Variants in ASH1L observed in about 807,000 individuals in gnomAD.
ASH1L encodes the protein ASH1 like histone lysine methyltransferase.
ASH1L carries 23 observed loss-of-function variants against 269.0 expected under a neutral mutation model. The observed-to-expected ratio is 0.09, with a 90% confidence interval of 0.06 to 0.12. The LOEUF (loss-of-function observed/expected upper bound fraction) is 0.12. ASH1L is among the 10% of genes least tolerant of loss of function. The probability of loss-of-function intolerance (pLI) is 1.00; values close to 1 mark genes in which losing one functional copy is unlikely to be tolerated. For missense variants in ASH1L, 2,912 were observed against 3,567.8 expected, an observed-to-expected ratio of 0.82 and a Z score of 4.68; for synonymous variants, 1,187 against 1,253.5, an observed-to-expected ratio of 0.95 and a Z score of 1.12.
At chr1:155,500,013 T>C (rs948675221) in intron 2 of ASH1L, among the ~76,000 whole-genome samples, 3 of 152,248 alleles carry the variant, frequency 2.0e-5, no homozygotes, top group African/African-American at 4.8e-5. Context: ...TCCTACTACA[T>C]AATGAAAGCA....
Position 155,418,310 on chromosome 1 carries a change from G to C in ASH1L, c.5829-2387C>G, listed in dbSNP as rs142028817. Among the ~76,000 whole-genome samples, 503 of 152,122 alleles carry C rather than the reference G, an allele frequency of 3.3e-3. 3 individuals carry two copies. Among genetic ancestry groups the C allele is most frequent in the African/African-American group, 0.012 (486 of 41,526 alleles). ...AAAGATAATGAGGAGAGGAAGAGAA[G>C]ACTTAACAACAACAACAAAAGGAAT... On this transcript the variant is annotated intron_variant, in intron 5 of 27. Transcript: ENST00000392403.
chr1:155,473,329 G>C (rs911104788), intron 3 of ASH1L, among the ~76,000 whole-genome samples: 3 of 152,090 alleles, frequency 2.0e-5, no homozygotes, highest in Non-Finnish European at 4.4e-5. Flanking sequence ...AAACAAACAG[G>C]TACAATACAC....
At chr1:155,374,891 C>T (rs1656295682) in intron 10 of ASH1L, among the ~76,000 whole-genome samples, 1 of 152,148 alleles carries the variant, frequency 6.6e-6, no homozygotes, top group African/African-American at 2.4e-5. Context: ...TCACAGCTTA[C>T]TGTAGCCTCA....
chr1:155,444,660 G>C (rs1031436069), intron 4 of ASH1L, among the ~76,000 whole-genome samples: 8 of 151,912 alleles, frequency 5.3e-5, no homozygotes, highest in Admixed American at 5.2e-4. Flanking sequence ...TTATCACCCA[G>C]GCCGGAGTAC....
chr1:155,336,360 T>TACACAC lies in ASH1L; in HGVS notation c.*1294_*1299dup, dbSNP rs148726843. ...GTGTGTGTGTGTGTGTGTATATATA[T>TACACAC]ACACACACACATATATATATACACA... is the stretch of plus-strand genomic sequence containing the variant. On this transcript the variant is annotated 3_prime_UTR_variant, in exon 28 of 28. Transcript: ENST00000392403. 307 of 149,822 alleles carry TACACAC rather than the reference T, an allele frequency of 2.0e-3. 5 individuals are homozygous for TACACAC. The East Asian group carries it at 0.038, about 19-fold the overall frequency. 9.3% of individuals were successfully genotyped at this position (149,822 alleles called of 1,614,324 possible). A position where few individuals can be genotyped will look rare whatever the true frequency, so the allele number is the denominator to read the frequency against.
chr1:155,441,196 T>C (rs1662529069), intron 4 of ASH1L, among the ~76,000 whole-genome samples: 1 of 152,160 alleles, frequency 6.6e-6, no homozygotes, highest in Non-Finnish European at 1.5e-5. Context: ...CTAGTCCCTC[T>C]CTGCTGCCAC....
At chr1:155,533,752 C>T (rs1470535820) in intron 1 of ASH1L, among the ~76,000 whole-genome samples, 1 of 151,480 alleles carries the variant, frequency 6.6e-6, no homozygotes, top group Non-Finnish European at 1.5e-5. Context: ...CATCTTTAGT[C>T]TCGATCTTAT....
At chr1:155,450,126 A>T (rs1015548241) in intron 4 of ASH1L, among the ~76,000 whole-genome samples, 1 of 152,174 alleles carries the variant, frequency 6.6e-6, no homozygotes, top group Non-Finnish European at 1.5e-5. Flanking sequence ...AATTTCTGAC[A>T]ATATGTCTGC....
chr1:155,417,890 G>A (rs917373485), intron 5 of ASH1L, among the ~76,000 whole-genome samples: 6 of 151,918 alleles, frequency 3.9e-5, no homozygotes, highest in Admixed American at 1.3e-4. Flanking sequence ...CCTGGGAGGC[G>A]GAGGTTGTGG....
intron 2 of ASH1L, among the ~76,000 whole-genome samples, chr1:155,495,493 A>G (rs949017299): frequency 1.3e-5 from 2 of 152,180 alleles, no homozygotes; most frequent in African/African-American, 4.8e-5. Context: ...TATGGTATAA[A>G]AGATAAAAAT....
intron 4 of ASH1L, among the ~76,000 whole-genome samples, chr1:155,458,829 T>A (rs1394339040): frequency 6.6e-6 from 1 of 152,120 alleles, no homozygotes; most frequent in African/African-American, 2.4e-5. Flanking sequence ...AATATATTCC[T>A]CACTATCTGG....
In ASH1L at chr1:155,368,349, C is replaced by T. The variant is rs188219427; in HGVS notation, c.6686+2155G>A. Among the ~76,000 whole-genome samples, 450 of 152,156 alleles carry T rather than the reference C, an allele frequency of 3.0e-3. 3 individuals are homozygous for T. The highest frequency in any genetic ancestry group is 5.2e-3 in the Non-Finnish European group (353 of 68,016). On this transcript the variant is annotated intron_variant, in intron 12 of 27. Transcript: ENST00000392403. ...TTATCAGTGAAGACATCTGGTTCTC[C>T]AGGTTCTTTTGTTAGATATTTTAGT... is the stretch of plus-strand genomic sequence containing the variant.
At position 155,478,915 on chromosome 1, in the gene ASH1L, T is replaced by C. The variant is rs760749906; in HGVS notation, c.3955A>G (p.Ile1319Val). ...HFIPRDLLPT[I>V]FRINFNSFYT... The stretch of plus-strand genomic sequence containing the variant: ...AAACTATTAAAGTTGATTCGAAAGA[T>C]AGTTGGCAGAAGATCTCGGGGGATA... The change falls in exon 3 of 28, where the codon ATC becomes GTC. Residue 1319 changes from isoleucine to valine, a missense_variant. This residue lies in a region of ASH1L where 789 missense variants were observed against 897.6 expected (regional missense o/e 0.88). Transcript: ENST00000392403. This position sits in a 1 kb window ranked among gnomAD's most constrained non-coding sequence, Gnocchi z 4.6. The C allele has an allele frequency of 5.0e-6, 8 of 1,613,918 alleles. No individual in the cohort carries two copies. Among genetic ancestry groups the C allele is most frequent in the African/African-American group, 4.0e-5 (3 of 74,888 alleles).
intron 1 of ASH1L, among the ~76,000 whole-genome samples, chr1:155,557,035 C>CA (rs941258498): frequency 6.6e-6 from 1 of 151,878 alleles, no homozygotes; most frequent in African/African-American, 2.4e-5. Context: ...GACCCTGTCT[C>CA]AAAAAAATTT....
chr1:155,402,249 T>C (rs1658921786), intron 6 of ASH1L, among the ~76,000 whole-genome samples: 1 of 152,276 alleles, frequency 6.6e-6, no homozygotes, highest in South Asian at 2.1e-4. Flanking sequence ...TGTTCTTTCA[T>C]AAACAATATG....
At chr1:155,350,690 A>C (rs1653816151) in intron 17 of ASH1L, among the ~76,000 whole-genome samples, 1 of 152,108 alleles carries the variant, frequency 6.6e-6, no homozygotes, top group African/African-American at 2.4e-5. Context: ...TGAGAGGTCA[A>C]GGCGGGCAGA....
chr1:155,473,777 G>A lies in ASH1L; in HGVS notation c.4984+4109C>T, dbSNP rs774935014. 3.3e-5 allele frequency among the ~76,000 whole-genome samples: 5 copies of A among 152,044 alleles called. No homozygotes were observed. In the South Asian group the frequency reaches 8.3e-4, roughly 25 times the overall value. On this transcript the variant is annotated intron_variant, in intron 3 of 27. Coordinates refer to ENST00000392403, the MANE Select transcript of ASH1L (RefSeq NM_018489.3). ...CACCTCTCAAAGTGTTGAGATTACA[G>A]GCATTAGCCACCATTCCCAGCCTCT...
At chr1:155,339,108 C>G (rs576694080) in intron 26 of ASH1L, among the ~76,000 whole-genome samples, 1 of 152,330 alleles carries the variant, frequency 6.6e-6, no homozygotes, top group African/African-American at 2.4e-5. Flanking sequence ...ATCTCTGTCT[C>G]TACTCCCTGC....
At chr1:155,452,551 CTT>C (rs759933732) in intron 4 of ASH1L, among the ~76,000 whole-genome samples, 7 of 134,576 alleles carry the variant, frequency 5.2e-5, no homozygotes, top group Admixed American at 7.4e-5. Context: ...AAGGTGTAAC[CTT>C]TTTTTTTTTT....
Sources: gnomAD v4.1 joint callset for allele counts (sites outside exome capture counted in the v4.1 genomes callset) on GRCh38, gnomAD v4.1.1 for gene constraint, gnomAD v4.1.1 regional missense constraint, Gnocchi (gnomAD v3.1) non-coding constraint, MANE v1.5 for transcripts, NCBI Gene and HGNC (gene_info 2026-07-23, HGNC 2026-07-21) for gene names.